CACNA1A: variants seen among roughly 807,000 people sequenced by gnomAD.
The protein encoded by CACNA1A is calcium voltage-gated channel subunit alpha1 A.
Under a neutral mutation model 262.4 loss-of-function variants are expected in CACNA1A, and 57 were observed. The ratio of observed to expected loss-of-function variants is 0.22; its 90% CI spans 0.18 to 0.27. CACNA1A has a LOEUF of 0.27. Among genes scored for constraint, CACNA1A ranks in the 10% least tolerant of loss-of-function variants. CACNA1A has a pLI of 1.00. For missense variants in CACNA1A, 2,526 were observed against 3,562.8 expected (o/e 0.71, Z 7.41); for synonymous variants, 1,431 against 1,419.3 (o/e 1.01, Z -0.18).
intron 1 of CACNA1A, among the ~76,000 whole-genome samples, chr19:13,464,652 C>T (rs2061191711): frequency 1.3e-5 from 2 of 150,938 alleles, no homozygotes; most frequent in South Asian, 2.1e-4. Flanking sequence ...AGGTTCACGC[C>T]ATTCTCCTGC....
intron 19 of CACNA1A, among the ~76,000 whole-genome samples, chr19:13,295,315 T>TA (rs2057641049): frequency 6.6e-6 from 1 of 152,128 alleles, no homozygotes; most frequent in African/African-American, 2.4e-5. Flanking sequence ...TGCAGGCACT[T>TA]AGAGAATGGT....
At chr19:13,432,731 C>T (rs577121856) in intron 3 of CACNA1A, among the ~76,000 whole-genome samples, 82 of 151,160 alleles carry the variant, frequency 5.4e-4, no homozygotes, top group African/African-American at 1.8e-3. Flanking sequence ...AGATTTTAAG[C>T]GTTCTCACCA....
intron 3 of CACNA1A, among the ~76,000 whole-genome samples, chr19:13,413,894 A>G (rs1029898589): frequency 1.3e-3 from 116 of 86,512 alleles, no homozygotes; most frequent in East Asian, 4.3e-3. Flanking sequence ...AGAAAGAAAG[A>G]AAAAGAAAGA....
intron 44 of CACNA1A, among the ~76,000 whole-genome samples, 153 bp from the exon 45 acceptor site, chr19:13,209,651 G>A (rs1303475187): frequency 6.6e-6 from 1 of 152,200 alleles, no homozygotes; most frequent in African/African-American, 2.4e-5. Context: ...ATGGGGCCTT[G>A]GCTCCCCCTG....
intron 45 of CACNA1A, 127 bp from the exon 46 acceptor site, chr19:13,209,136 T>A: frequency 2.1e-6 from 3 of 1,405,220 alleles, no homozygotes; most frequent in Non-Finnish European, 2.9e-6. Context: ...GGCAGGTCAG[T>A]GGGTTGGGGG....
chr19:13,424,735 A>T (rs1455112748), intron 3 of CACNA1A, among the ~76,000 whole-genome samples: 1 of 152,068 alleles, frequency 6.6e-6, no homozygotes, highest in African/African-American at 2.4e-5. Context: ...TTAGCCTCTC[A>T]AAGTGCTGAG....
At chr19:13,314,456 G>A (rs1568525499) in intron 11 of CACNA1A, among the ~76,000 whole-genome samples, 1 of 152,154 alleles carries the variant, frequency 6.6e-6, no homozygotes, top group African/African-American at 2.4e-5. Flanking sequence ...GGGATTAGGT[G>A]CCCTTATAAA....
In CACNA1A at chr19:13,212,255, C is replaced by T. The variant is rs2054839773; in HGVS notation, c.6190-39G>A. ...GGCAAAGCCAGATGAGCTCTGGGGC[C>T]TGACCTCCAGATCCCTGGTGTCTGC... On this transcript the variant is annotated intron_variant, in intron 42 of 46. Transcript: ENST00000360228. The surrounding 1 kb of genome is among the most constrained non-coding windows in gnomAD (Gnocchi z 5.6). 1.3e-6 allele frequency: 2 copies of T among 1,592,940 alleles called. No homozygotes were observed. The highest frequency in any genetic ancestry group is 1.7e-6 in the Non-Finnish European group (2 of 1,161,812).
At chr19:13,480,616 C>T (rs1345839667) in intron 1 of CACNA1A, among the ~76,000 whole-genome samples, 1 of 151,906 alleles carries the variant, frequency 6.6e-6, no homozygotes, top group Non-Finnish European at 1.5e-5. Flanking sequence ...ATCACTTGAG[C>T]CCAGGAGTTC....
intron 3 of CACNA1A, among the ~76,000 whole-genome samples, chr19:13,425,632 A>G (rs1184537931): frequency 6.6e-6 from 1 of 152,226 alleles, no homozygotes; most frequent in East Asian, 1.9e-4. Flanking sequence ...CTAAATTCTC[A>G]ACACATTGTT....
intron 3 of CACNA1A, among the ~76,000 whole-genome samples, chr19:13,381,945 G>A (rs559462252): frequency 6.6e-6 from 1 of 152,232 alleles, no homozygotes; most frequent in East Asian, 1.9e-4. Context: ...GAGGGGAGGA[G>A]GGATGTAATC....
intron 36 of CACNA1A, chr19:13,227,793 AAG>A (rs2055515494): frequency 4.5e-6 from 1 of 222,452 alleles, no homozygotes; most frequent in African/African-American, 2.3e-5. Flanking sequence ...AGAGAGAGAA[AAG>A]AGAAAAGTCA....
chr19:13,387,406 C>G (rs891766322), intron 3 of CACNA1A, among the ~76,000 whole-genome samples: 6 of 152,184 alleles, frequency 3.9e-5, no homozygotes, highest in African/African-American at 1.4e-4. Context: ...GGGACTTGTT[C>G]TATTCTCCCT....
At chr19:13,334,299 T>G (rs2058518328) in intron 8 of CACNA1A, 79 bp downstream of exon 8, 1 of 825,820 alleles carries the variant, frequency 1.2e-6, no homozygotes, top group South Asian at 1.4e-5. Flanking sequence ...CAGCTTAGCC[T>G]TCTCCAAACT....
chr19:13,457,454 T>A (rs1329415877), intron 1 of CACNA1A, among the ~76,000 whole-genome samples: 1 of 152,158 alleles, frequency 6.6e-6, no homozygotes, highest in East Asian at 1.9e-4. Context: ...GCAGCACTAT[T>A]CACAACAGCC....
At chr19:13,307,001 C>T (rs2057917914) in intron 15 of CACNA1A, among the ~76,000 whole-genome samples, 2 of 152,030 alleles carry the variant, frequency 1.3e-5, no homozygotes, top group Admixed American at 6.5e-5. Context: ...TTTGCTCTCT[C>T]GCCCAGGCTG....
In CACNA1A at chr19:13,210,623, G is replaced by A; in HGVS notation, c.6333C>T (p.Asn2111=). The change falls in exon 44 of 47, where the codon AAC becomes AAT. Residue 2111 remains asparagine (N), a synonymous_variant. Transcript: ENST00000360228. ...QRRRGRPRGN[N]LSTISDTSPM... ...GGGCAGGCGCGGTACATACACTGAG[G>A]TTATTCCCACGTGGCCGGCCCCTTC... is the stretch of plus-strand genomic sequence containing the variant. The A allele has an allele frequency of 1.3e-6, 2 of 1,565,238 alleles. No individual in the cohort carries two copies. Among genetic ancestry groups the A allele is most frequent in the South Asian group, 1.2e-5 (1 of 84,846 alleles).
chr19:13,210,843 TC>T (rs1269445322), intron 43 of CACNA1A, 191 bp from the exon 44 acceptor site: 1 of 650,072 alleles, frequency 1.5e-6, no homozygotes, highest in East Asian at 2.7e-5. Flanking sequence ...CGGGTGGGTG[TC>T]CCAGGCCCCC....
chr19:13,234,048 T>A (rs374977688), intron 34 of CACNA1A, among the ~76,000 whole-genome samples: 15 of 102,322 alleles, frequency 1.5e-4, no homozygotes, highest in African/African-American at 2.8e-4. Context: ...AGACTCCATC[T>A]AAAAAAAAAA....
Sources: gnomAD v4.1 joint callset for allele counts (sites outside exome capture counted in the v4.1 genomes callset) on GRCh38, gnomAD v4.1.1 for gene constraint, Gnocchi (gnomAD v3.1) non-coding constraint, MANE v1.5 for transcripts, NCBI Gene and HGNC (gene_info 2026-07-23, HGNC 2026-07-21) for gene names.